Variants in SH2D4B observed in about 807,000 individuals in gnomAD.
The protein encoded by SH2D4B is SH2 domain containing 4B, also known as SH2 domain-containing protein 4B.
A neutral mutation model predicts 61.5 loss-of-function variants in SH2D4B; 45 were observed. The observed-to-expected ratio is 0.73, with a 90% CI of 0.58 to 0.94. The LOEUF (loss-of-function observed/expected upper bound fraction) is 0.94, where lower values mean the gene tolerates loss of function less well. Among genes scored for constraint, SH2D4B ranks in the 40% least tolerant of loss-of-function variants. SH2D4B has a pLI of 0.00. For missense variants in SH2D4B, 572 were observed against 574.2 expected (o/e 1.00, Z 0.04); for synonymous variants, 224 against 220.4 (o/e 1.02, Z -0.14).
intron 6 of SH2D4B, among the ~76,000 whole-genome samples, chr10:80,622,489 C>A (rs573306186): frequency 4.1e-4 from 62 of 152,302 alleles, no homozygotes; most frequent in Non-Finnish European, 6.2e-4. Context: ...TGTAGTGTTC[C>A]CAAACAGGGC....
chr10:80,538,382 C>G lies in SH2D4B; in HGVS notation c.51C>G (p.Ala17=). 2 of 1,421,338 alleles carry G rather than the reference C, an allele frequency of 1.4e-6. No individual in the cohort carries two copies. Among genetic ancestry groups the G allele is most frequent in the Non-Finnish European group, 1.8e-6 (2 of 1,083,250 alleles). 88.0% of individuals were successfully genotyped at this position (1,421,338 alleles called of 1,614,324 possible). The change falls in exon 1 of 8, where the codon GCC becomes GCG. Residue 17 remains alanine, a synonymous_variant. Transcript: ENST00000646907. The surrounding 1 kb of genome is among the most constrained non-coding windows in gnomAD (Gnocchi z 4.8). The part of the protein sequence containing the change: ...HDMYIDPELL[A]ELSDVQKHIL... ...TGTACATCGACCCCGAGCTCCTTGC[C>G]GAGCTCAGCGATGTGCAGAAGCACA...
intron 1 of SH2D4B, 45 bp from the exon 2 acceptor site, chr10:80,570,109 G>A: frequency 2.5e-6 from 4 of 1,611,902 alleles, no homozygotes. Flanking sequence ...ATTCCTTACT[G>A]ATTGAAAATC....
chr10:80,633,145 G>A (rs995641985), intron 6 of SH2D4B, among the ~76,000 whole-genome samples: 1 of 151,216 alleles, frequency 6.6e-6, no homozygotes, highest in Non-Finnish European at 1.5e-5. Context: ...TGGCTTCGGG[G>A]ATTGGGGAGA....
intron 6 of SH2D4B, among the ~76,000 whole-genome samples, chr10:80,621,965 C>T (rs1473174106): frequency 6.6e-6 from 1 of 152,192 alleles, no homozygotes; most frequent in Non-Finnish European, 1.5e-5. Flanking sequence ...TCATGATCCT[C>T]CCACCTCAGC....
intron 3 of SH2D4B, among the ~76,000 whole-genome samples, chr10:80,579,527 C>G (rs968597712): frequency 1.3e-5 from 2 of 152,104 alleles, no homozygotes; most frequent in Non-Finnish European, 2.9e-5. Context: ...CAATAAACAT[C>G]CTGTGCTCTT....
intron 6 of SH2D4B, among the ~76,000 whole-genome samples, chr10:80,630,867 T>A (rs1842824793): frequency 6.6e-6 from 1 of 152,104 alleles, no homozygotes; most frequent in Non-Finnish European, 1.5e-5. Context: ...GAGGGGTAGG[T>A]TGAGGCGGGG....
At chr10:80,586,884 G>A (rs542435503) in intron 3 of SH2D4B, among the ~76,000 whole-genome samples, 2 of 152,110 alleles carry the variant, frequency 1.3e-5, no homozygotes, top group Admixed American at 6.5e-5. Flanking sequence ...CGAACCCACC[G>A]GGAGGAACGA....
intron 3 of SH2D4B, among the ~76,000 whole-genome samples, chr10:80,583,493 A>ACC (rs34339901): frequency 1.1e-4 from 16 of 148,628 alleles, no homozygotes; most frequent in Non-Finnish European, 2.4e-4. Flanking sequence ...ACATGATGAA[A>ACC]CCCGTCTCCA....
At chr10:80,631,133 T>C (rs1053832114) in intron 6 of SH2D4B, among the ~76,000 whole-genome samples, 2 of 152,254 alleles carry the variant, frequency 1.3e-5, no homozygotes, top group Admixed American at 1.3e-4. Flanking sequence ...ACCCCATTAC[T>C]GGGTATTTAT....
In SH2D4B at chr10:80,538,224, T is replaced by A. The variant is rs1434383314; in HGVS notation, c.-108T>A. The A allele has an allele frequency of 2.4e-5, 22 of 924,592 alleles. No homozygotes were observed. Among genetic ancestry groups the A allele is most frequent in the South Asian group, 1.0e-4 (2 of 19,236 alleles). 57.3% of individuals were successfully genotyped at this position (924,592 alleles called of 1,614,324 possible). ...CTGCACAGAGAAGGGGCACCGAGAG[T>A]GGCCCCGGATTGAGCAGTCCGTAGT... is the stretch of plus-strand genomic sequence containing the variant. On this transcript the variant is annotated 5_prime_UTR_variant, in exon 1 of 8. Coordinates refer to ENST00000646907, the MANE Select transcript of SH2D4B (RefSeq NM_001388272.1). This position sits in a 1 kb window ranked among gnomAD's most constrained non-coding sequence, Gnocchi z 4.8.
chr10:80,644,357 C>G lies in SH2D4B; in HGVS notation c.*272C>G. 2.7e-6 allele frequency: 1 copy of G among 368,144 alleles called. No individual in the cohort carries two copies. The highest frequency in any genetic ancestry group is 4.9e-6 in the Non-Finnish European group (1 of 204,320). 22.8% of individuals were successfully genotyped at this position (368,144 alleles called of 1,614,324 possible). A position where few individuals can be genotyped will look rare whatever the true frequency, so the allele number is the denominator to read the frequency against. ...GACAAAGCCTGTTTGTCATGGCTGC[C>G]GTAAACCGAGCTCTTACAGTGCGTG... On this transcript the variant is annotated 3_prime_UTR_variant, in exon 8 of 8. Coordinates refer to ENST00000646907, the MANE Select transcript of SH2D4B (RefSeq NM_001388272.1).
At chr10:80,612,553 C>T (rs997496907) in intron 6 of SH2D4B, among the ~76,000 whole-genome samples, 1 of 152,134 alleles carries the variant, frequency 6.6e-6, no homozygotes, top group African/African-American at 2.4e-5. Flanking sequence ...ATTCTTAGAG[C>T]CAGCACCTTG....
chr10:80,604,106 T>A (rs1397787573), intron 5 of SH2D4B, among the ~76,000 whole-genome samples: 1 of 152,226 alleles, frequency 6.6e-6, no homozygotes, highest in East Asian at 1.9e-4. Flanking sequence ...AATGTTTGCA[T>A]ACAATTTGAG....
chr10:80,617,225 G>A (rs542315946), intron 6 of SH2D4B, among the ~76,000 whole-genome samples: 5 of 152,344 alleles, frequency 3.3e-5, no homozygotes, highest in African/African-American at 1.2e-4. Context: ...GTCTCCTTGA[G>A]GGTGGAGAGG....
intron 1 of SH2D4B, among the ~76,000 whole-genome samples, chr10:80,556,323 GTTGCT>G (rs1841837385): frequency 1.3e-5 from 2 of 152,180 alleles, no homozygotes; most frequent in African/African-American, 4.8e-5. Context: ...CACATTGGCT[GTTGCT>G]TTATGATAAA....
intron 3 of SH2D4B, among the ~76,000 whole-genome samples, chr10:80,586,703 C>T (rs527856514): frequency 1.3e-4 from 20 of 152,284 alleles, no homozygotes; most frequent in African/African-American, 4.1e-4. Flanking sequence ...CAGGCTGCCC[C>T]GAGCCAGCAG....
intron 1 of SH2D4B, among the ~76,000 whole-genome samples, chr10:80,542,343 A>G (rs1841591640): frequency 6.6e-6 from 1 of 151,288 alleles, no homozygotes; most frequent in Non-Finnish European, 1.5e-5. Context: ...GACTGAGGAC[A>G]CATGTCCACA....
intron 4 of SH2D4B, among the ~76,000 whole-genome samples, chr10:80,596,241 T>A (rs1320071157): frequency 1.3e-5 from 2 of 152,250 alleles, no homozygotes; most frequent in Non-Finnish European, 2.9e-5. Flanking sequence ...GCTGTTGAAC[T>A]ATTTCATGCC....
chr10:80,587,130 GTTTTTTTTTTTTTTTGT>G (rs1842264687), intron 3 of SH2D4B, among the ~76,000 whole-genome samples: 1 of 67,250 alleles, frequency 1.5e-5, no homozygotes, highest in East Asian at 4.4e-4. Context: ...TTCCGGCCAC[GTTTTTTTTTTTTTTTGT>G]TTTGTTTTTT....
Sources: gnomAD v4.1 joint callset for allele counts (sites outside exome capture counted in the v4.1 genomes callset) on GRCh38, gnomAD v4.1.1 for gene constraint, Gnocchi (gnomAD v3.1) non-coding constraint, MANE v1.5 for transcripts, NCBI Gene and HGNC (gene_info 2026-07-23, HGNC 2026-07-21) for gene names.